Variants in SPSB3 observed in about 807,000 individuals in gnomAD.
SPSB3 encodes SPRY domain-containing SOCS box protein 3.
SPSB3 carries 18 observed loss-of-function variants against 29.5 expected under a neutral mutation model. The ratio of observed to expected loss-of-function variants is 0.61; its 90% CI spans 0.42 to 0.91. The LOEUF (loss-of-function observed/expected upper bound fraction) is 0.91, where lower values mean the gene tolerates loss of function less well. Among genes scored for constraint, SPSB3 ranks in the 40% least tolerant of loss-of-function variants. The pLI is 0.00. For synonymous variants in SPSB3, 299 were observed against 214.1 expected (o/e 1.40, Z -3.46); for missense variants, 540 against 507.5 (o/e 1.06, Z -0.61).
chr16:1,781,234 G>A (rs779851712), intron 2 of SPSB3, 124 bp downstream of exon 2: 1 of 1,592,278 alleles, frequency 6.3e-7, no homozygotes, highest in Non-Finnish European at 8.5e-7. Flanking sequence ...GTTTGGACTG[G>A]TCCTCTAGCC....
rs2042722746 is a variant in SPSB3, at chr16:1,776,974, T to A, written c.*123A>T. On this transcript the variant is annotated 3_prime_UTR_variant, in exon 7 of 7. Transcript: ENST00000566339. ...CCCAGCCTCGGGAGCAAGAGATGGC[T>A]CCCTCCGGACGGGCCTCATCCAACT... 2 of 1,123,066 alleles carry A rather than the reference T, an allele frequency of 1.8e-6. No homozygotes were observed. The highest frequency in any genetic ancestry group is 2.5e-6 in the Non-Finnish European group (2 of 797,340). The allele number at this position is 1,123,066 out of a possible 1,614,324, so 69.6% of individuals were successfully genotyped here. A position where few individuals can be genotyped will look rare whatever the true frequency, so the allele number is the denominator to read the frequency against.
chr16:1,777,519 G>A (rs1049305904), intron 6 of SPSB3, 76 bp from the exon 7 acceptor site: 31 of 1,410,260 alleles, frequency 2.2e-5, no homozygotes, highest in East Asian at 5.0e-5. Flanking sequence ...CAGACCTCAC[G>A]CTACAGTCAC....
intron 2 of SPSB3, chr16:1,779,467 T>C (rs1374804272): frequency 6.6e-6 from 1 of 152,354 alleles, no homozygotes; most frequent in Non-Finnish European, 1.5e-5. Context: ...GACCATGACA[T>C]GGGCGCCACC....
At chr16:1,777,500 G>A (rs1279738598) in intron 6 of SPSB3, 57 bp from the exon 7 acceptor site, 10 of 1,435,656 alleles carry the variant, frequency 7.0e-6, no homozygotes, top group Admixed American at 2.5e-5. Flanking sequence ...GCTACTGGGC[G>A]CAGCCCCTCA....
rs2042721283 is a variant in SPSB3, at chr16:1,776,897, C to T, written c.*200G>A. On this transcript the variant is annotated 3_prime_UTR_variant, in exon 7 of 7. Transcript: ENST00000566339. ...ACCTGGGGCTCAGGGCAGCCGCTTC[C>T]CCACCCAGCACAGCAGCAGAGGGGC... is the stretch of plus-strand genomic sequence containing the variant. 6 of 637,830 alleles carry T rather than the reference C, an allele frequency of 9.4e-6. No homozygotes were observed. The South Asian group carries it at 1.3e-4, about 14-fold the overall frequency. 39.5% of individuals were successfully genotyped at this position (637,830 alleles called of 1,614,324 possible).
intron 1 of SPSB3, 92 bp from the exon 2 acceptor site, chr16:1,781,587 G>A (rs909200915): frequency 7.1e-6 from 10 of 1,399,242 alleles, no homozygotes; most frequent in Admixed American, 2.2e-5. Context: ...CTCAAAGTGG[G>A]GACTGCAGGG....
rs1896699862 is a variant in SPSB3, at chr16:1,781,303, T to A, written c.126+55A>T. Reference sequence around the variant, plus strand: ...TTCAGGTAATGTCTGCCTGCCTGCCTAGGGCATCTCCACACCTTAGGCCAG... The same window carrying A: ...TTCAGGTAATGTCTGCCTGCCTGCCAAGGGCATCTCCACACCTTAGGCCAG... On this transcript the variant is annotated intron_variant, in intron 2 of 6. Transcript: ENST00000566339. 4 of 1,612,666 alleles carry A rather than the reference T, an allele frequency of 2.5e-6. No homozygotes were observed. In the East Asian group the frequency reaches 8.9e-5, roughly 36 times the overall value.
At position 1,781,492 on chromosome 16, in the gene SPSB3, G is replaced by C; in HGVS notation, c.-9C>G. ...CGGGGGCGTCTGGCCATGGTGGAAA[G>C]AATCTAGAAGAAAACACAGGCTCTG... On this transcript the variant is annotated 5_prime_UTR_variant, in exon 2 of 7. Coordinates refer to ENST00000566339, the MANE Select transcript of SPSB3 (RefSeq NM_080861.4). 6.8e-6 allele frequency: 11 copies of C among 1,611,012 alleles called. No individual in the cohort carries two copies. Among genetic ancestry groups the C allele is most frequent in the Non-Finnish European group, 9.3e-6 (11 of 1,179,040 alleles).
intron 2 of SPSB3, chr16:1,780,660 A>G (rs1250524852): frequency 6.2e-6 from 1 of 160,518 alleles, no homozygotes. Context: ...TGGCAGAAGA[A>G]GCGTCTGGTA....
intron 1 of SPSB3, 26 bp from the exon 2 acceptor site, chr16:1,781,521 A>C: frequency 6.2e-7 from 1 of 1,603,824 alleles, no homozygotes; most frequent in Non-Finnish European, 8.5e-7. Context: ...GGCTCTGGGC[A>C]AAGGAAGACT....
At chr16:1,779,617 G>A (rs1896646512) in intron 2 of SPSB3, 1 of 152,308 alleles carries the variant, frequency 6.6e-6, no homozygotes, top group Non-Finnish European at 1.5e-5. Context: ...GGTCCCCAGA[G>A]CCAGGGTAGA....
Position 1,777,140 on chromosome 16 carries a change from C to G in SPSB3, c.1025G>C (p.Arg342Pro). The change falls in exon 7 of 7, where the codon CGC becomes CCC. Residue 342 changes from arginine to proline, a missense_variant. Coordinates refer to ENST00000566339, the MANE Select transcript of SPSB3 (RefSeq NM_080861.4). ...CTTCCTCTGGCAGGGCCGAGGCTCG[C>G]GACTGCTGGGGTGGGCGGAGGTCGC... ...QAATSAHPSS[R>P]EPRPCQRKRC... 1.9e-6 allele frequency: 3 copies of G among 1,611,638 alleles called. No homozygotes were observed. The highest frequency in any genetic ancestry group is 2.5e-6 in the Non-Finnish European group (3 of 1,179,756).
At chr16:1,781,631 CT>C in intron 1 of SPSB3, 136 bp from the exon 2 acceptor site, 1 of 883,326 alleles carries the variant, frequency 1.1e-6, no homozygotes, top group Non-Finnish European at 1.7e-6. Context: ...CTCCAGAACG[CT>C]TCAGGAGCCC....
At chr16:1,777,695 G>C in intron 6 of SPSB3, 52 bp downstream of exon 6, 1 of 1,598,574 alleles carries the variant, frequency 6.3e-7, no homozygotes, top group East Asian at 2.2e-5. Flanking sequence ...CGGGGTGGCT[G>C]CCTCCCTCGG....
Position 1,777,243 on chromosome 16 carries a change from C to T in SPSB3, c.922G>A (p.Val308Met). The change falls in exon 7 of 7, where the codon GTG becomes ATG. Residue 308 changes from valine (V) to methionine (M), a missense_variant. Physicochemically the swap from Val to Met is conservative, Grantham distance 21 (BLOSUM62 1). Transcript: ENST00000566339. Reference protein sequence around the residue: ...GLPLPPGLKQVLHNKLGWVLS... With the variant: ...GLPLPPGLKQMLHNKLGWVLS... ...ACCCAGCCCAGCTTGTTGTGTAGCA[C>T]CTGCTTGAGGCCCGGCGGCAGCGGC... 6.2e-7 allele frequency: 1 copy of T among 1,610,848 alleles called. No individual in the cohort carries two copies. The highest frequency in any genetic ancestry group is 8.5e-7 in the Non-Finnish European group (1 of 1,179,850).
chr16:1,777,343 G>C lies in SPSB3; in HGVS notation c.822C>G (p.Ala274=), dbSNP rs773904753. 1.2e-6 allele frequency: 2 copies of C among 1,608,132 alleles called. No homozygotes were observed. The highest frequency in any genetic ancestry group is 1.7e-6 in the Non-Finnish European group (2 of 1,179,098). The change falls in exon 7 of 7, where the codon GCC becomes GCG. Residue 274 remains alanine, a synonymous_variant. Transcript: ENST00000566339. ...SMKVTRSCAS[A]TSLQYLCCHR... ...GGCAGCACAGGTACTGGAGGGAAGT[G>C]GCGCTGGCACAGGAGCGGGTGACCT...
chr16:1,778,637 C>T (rs754408604), intron 2 of SPSB3, 25 bp from the exon 3 acceptor site: 10 of 1,527,354 alleles, frequency 6.5e-6, no homozygotes, highest in Admixed American at 1.9e-5. Context: ...CCGGCTGTTA[C>T]TACCTGTTGC....
chr16:1,778,316 C>G lies in SPSB3; in HGVS notation c.310G>C (p.Asp104His). Residue 104 changes from aspartate (D) to histidine (H), a missense_variant, in exon 4 of 7, where the codon GAC (aspartate) becomes CAC (histidine). Physicochemically the swap from Asp to His is moderately conservative, Grantham distance 81. Transcript: ENST00000566339. ...TTATTTAAGTCATCCCAGACCCAGT[C>G]GAAATCTGCAAGAGAGGCCCAGGCT... ...CRCGEEDEYFDWVWDDLNKSS... is the reference protein window; with the variant it reads ...CRCGEEDEYFHWVWDDLNKSS... 1.2e-6 allele frequency: 2 copies of G among 1,612,242 alleles called. No homozygotes were observed. The highest frequency in any genetic ancestry group is 2.2e-5 in the South Asian group (2 of 91,040).
At chr16:1,781,016 A>T in intron 2 of SPSB3, 1 of 530,176 alleles carries the variant, frequency 1.9e-6, no homozygotes, top group Non-Finnish European at 3.1e-6. Flanking sequence ...TATAGGTGTG[A>T]GCCACAGTGC....
Sources: allele counts gnomAD v4.1 joint callset, GRCh38; gene constraint gnomAD v4.1.1; transcripts MANE v1.5; gene names NCBI Gene and HGNC (gene_info 2026-07-23, HGNC 2026-07-21).